Variants in ARHGAP8 observed in about 807,000 individuals in gnomAD.
ARHGAP8 encodes the protein rho GTPase-activating protein 8.
A neutral mutation model predicts 46.1 loss-of-function variants in ARHGAP8; 62 were observed. The ratio of observed to expected loss-of-function variants is 1.34; its 90% CI spans 1.10 to 1.66. The LOEUF (loss-of-function observed/expected upper bound fraction) is 1.66, where lower values mean the gene tolerates loss of function less well. Ranked by LOEUF, ARHGAP8 falls within the 40% of genes most tolerant of loss-of-function variation. The pLI is 0.00. For missense variants in ARHGAP8, 923 were observed against 568.4 expected (o/e 1.62, Z -6.34); for synonymous variants, 375 against 243.1 (o/e 1.54, Z -5.05).
intron 4 of ARHGAP8, among the ~76,000 whole-genome samples, chr22:44,813,281 C>T (rs1929469791): frequency 6.6e-6 from 1 of 151,828 alleles, no homozygotes; most frequent in South Asian, 2.1e-4. Flanking sequence ...CCCCTACATA[C>T]ACACATACAC....
At chr22:44,838,737 G>A (rs562735393) in intron 7 of ARHGAP8, among the ~76,000 whole-genome samples, 1 of 152,192 alleles carries the variant, frequency 6.6e-6, no homozygotes, top group African/African-American at 2.4e-5. Context: ...ATCAATGGAT[G>A]CAGGCTCTCC....
intron 2 of ARHGAP8, among the ~76,000 whole-genome samples, chr22:44,791,532 C>T (rs564188987): frequency 5.3e-5 from 8 of 152,002 alleles, no homozygotes; most frequent in Admixed American, 1.3e-4. Flanking sequence ...GGTGAAACCC[C>T]GTATGTACTA....
At chr22:44,776,864 G>C (rs1050128415) in intron 1 of ARHGAP8, among the ~76,000 whole-genome samples, 4 of 152,156 alleles carry the variant, frequency 2.6e-5, no homozygotes, top group Middle Eastern at 3.4e-3. Context: ...TCCACTGGGA[G>C]CCTCTCCCTG....
rs550336823 is a variant in ARHGAP8 at position 44,859,655 on chromosome 22, G to T, written c.878-76G>T. The T allele has an allele frequency of 1.2e-4, 182 of 1,483,912 alleles. No individual in the cohort carries two copies. The African/African-American group carries it at 2.9e-3, about 24-fold the overall frequency. 91.9% of individuals were successfully genotyped at this position (1,483,912 alleles called of 1,614,324 possible). ...TCAGAGCTGTCCTTCCTACACCCCT[G>T]TTCTCCTCCCGGGCCGGGATGCAGC... On this transcript the variant is annotated intron_variant, in intron 10 of 11. Coordinates refer to ENST00000356099, the MANE Select transcript of ARHGAP8 (RefSeq NM_181335.3).
chr22:44,758,978 C>T (rs1244859733), intron 1 of ARHGAP8, among the ~76,000 whole-genome samples: 1 of 152,158 alleles, frequency 6.6e-6, no homozygotes, highest in Admixed American at 6.5e-5. Flanking sequence ...CAGTGTGAAC[C>T]CAGCAGGCAC....
chr22:44,818,233 G>T (rs992294913), intron 5 of ARHGAP8, among the ~76,000 whole-genome samples: 3 of 152,144 alleles, frequency 2.0e-5, no homozygotes, highest in African/African-American at 4.8e-5. Context: ...AGGATCACTT[G>T]AGGTCAGGAG....
chr22:44,823,958 C>T (rs555165075), intron 6 of ARHGAP8, among the ~76,000 whole-genome samples: 5 of 152,146 alleles, frequency 3.3e-5, no homozygotes, highest in East Asian at 1.9e-4. Flanking sequence ...AGTAGGCAGC[C>T]GGCACCCCTG....
At chr22:44,859,303 C>G (rs925352694) in intron 10 of ARHGAP8, among the ~76,000 whole-genome samples, 1 of 152,076 alleles carries the variant, frequency 6.6e-6, no homozygotes, top group Non-Finnish European at 1.5e-5. Flanking sequence ...TGGTGCTGTC[C>G]TCGAGATAGT....
chr22:44,767,779 A>G (rs1925688261), intron 1 of ARHGAP8, among the ~76,000 whole-genome samples: 1 of 150,968 alleles, frequency 6.6e-6, no homozygotes, highest in Admixed American at 6.6e-5. Context: ...AGGCTGAGGC[A>G]GGAGAATCAC....
chr22:44,804,846 A>T (rs924283451), intron 3 of ARHGAP8, among the ~76,000 whole-genome samples: 1 of 151,566 alleles, frequency 6.6e-6, no homozygotes, highest in Non-Finnish European at 1.5e-5. Context: ...CACAGCTGAA[A>T]CTGCAGTGGC....
intron 3 of ARHGAP8, among the ~76,000 whole-genome samples, chr22:44,807,426 GCA>G (rs138935562): frequency 0.13 from 19,603 of 152,164 alleles, 1,713 homozygotes; most frequent in African/African-American, 0.25. Context: ...CAGACGCAGA[GCA>G]CAGTGTCAGG....
intron 1 of ARHGAP8, among the ~76,000 whole-genome samples, chr22:44,783,324 C>T (rs1013518647): frequency 1.2e-4 from 18 of 151,982 alleles, no homozygotes; most frequent in Non-Finnish European, 1.9e-4. Context: ...GGTCCATCCC[C>T]GAGCTGTCCA....
Position 44,859,823 on chromosome 22 carries a change from T to TCCC in ARHGAP8, c.970_971insCCC (p.Phe324delinsSerLeu), listed in dbSNP as rs768514107. ...CGTCGTCCTCCGCTACCTCATGGGCTTCCTGCATGCGGTGAGTGGGGAAGG... is the reference window on the plus strand; with the variant it reads ...CGTCGTCCTCCGCTACCTCATGGGCTCCCTCCTGCATGCGGTGAGTGGGGAAGG... On this transcript the variant is annotated protein_altering_variant, in exon 11 of 12. Coordinates refer to ENST00000356099, the MANE Select transcript of ARHGAP8 (RefSeq NM_181335.3). 43 of 1,613,804 alleles carry TCCC rather than the reference T, an allele frequency of 2.7e-5. 1 individual carries two copies. In the South Asian group the frequency reaches 3.8e-4, roughly 14 times the overall value.
At chr22:44,803,867 G>T (rs1928754475) in intron 3 of ARHGAP8, among the ~76,000 whole-genome samples, 1 of 148,376 alleles carries the variant, frequency 6.7e-6, no homozygotes, top group Non-Finnish European at 1.5e-5. Flanking sequence ...TCACTAAGTT[G>T]ACTAAGTCAC....
At chr22:44,782,485 C>T (rs2147038497) in intron 1 of ARHGAP8, among the ~76,000 whole-genome samples, 1 of 152,304 alleles carries the variant, frequency 6.6e-6, no homozygotes, top group Middle Eastern at 3.4e-3. Flanking sequence ...TCCCATTAAG[C>T]AGCCACTCCC....
chr22:44,859,633 GA>G, intron 10 of ARHGAP8, 97 bp from the exon 11 acceptor site: 1 of 1,332,556 alleles, frequency 7.5e-7, no homozygotes, highest in South Asian at 1.2e-5. Context: ...TCCATCCTCA[GA>G]GCTGTCCTTC....
chr22:44,849,543 T>G (rs947743786), intron 10 of ARHGAP8: 4 of 165,776 alleles, frequency 2.4e-5, no homozygotes, highest in African/African-American at 9.6e-5. Context: ...ATGCTCAGTG[T>G]GGCTGAGCAC....
chr22:44,790,117 G>A (rs1013377188), intron 2 of ARHGAP8, among the ~76,000 whole-genome samples: 4 of 152,160 alleles, frequency 2.6e-5, no homozygotes, highest in Admixed American at 6.6e-5. Flanking sequence ...AACATAGGAC[G>A]GATGTAATCA....
Position 44,862,491 on chromosome 22 carries a change from A to T in ARHGAP8, c.1198A>T (p.Arg400Trp), listed in dbSNP as rs1416031271. The change falls in exon 12 of 12, where the codon AGG (arginine) becomes TGG (tryptophan). Residue 400 changes from arginine (R) to tryptophan (W), a missense_variant. Arg to Trp is a moderately radical substitution (Grantham distance 101). Transcript: ENST00000356099. ...HGLAPWEQGS[R>W]AAPLQEAVPR... The stretch of plus-strand genomic sequence containing the variant: ...CCTGGCACCATGGGAACAGGGGAGC[A>T]GGGCAGCCCCTTTGCAGGAGGCTGT... 6.2e-7 allele frequency: 1 copy of T among 1,613,560 alleles called. No individual in the cohort carries two copies. The highest frequency in any genetic ancestry group is 8.5e-7 in the Non-Finnish European group (1 of 1,179,748).
Sources: allele counts gnomAD v4.1 joint callset (sites outside exome capture counted in the v4.1 genomes callset), GRCh38; gene constraint gnomAD v4.1.1; transcripts MANE v1.5; gene names NCBI Gene and HGNC (gene_info 2026-07-23, HGNC 2026-07-21).